The following DENND1B variants were observed in gnomAD, a reference collection of about 807,000 sequenced individuals.
DENND1B encodes DENN domain containing 1B.
A neutral mutation model predicts 90.1 loss-of-function variants in DENND1B; 59 were observed. That is an observed-to-expected ratio of 0.65 (90% confidence interval 0.53 to 0.81). The LOEUF is 0.81. Ranked by LOEUF, DENND1B falls within the 40% of genes least tolerant of loss-of-function variation. The pLI is 0.00. For missense variants in DENND1B, 862 were observed against 912.6 expected (o/e 0.94, Z 0.71); for synonymous variants, 337 against 324.6 (o/e 1.04, Z -0.41).
chr1:197,538,106 G>A (rs933632414), intron 20 of DENND1B, among the ~76,000 whole-genome samples: 1 of 152,020 alleles, frequency 6.6e-6, no homozygotes, highest in African/African-American at 2.4e-5. Flanking sequence ...TAGGAAATGT[G>A]TTTCTCCAAT....
chr1:197,542,990 A>G (rs886333334), intron 18 of DENND1B, among the ~76,000 whole-genome samples: 1 of 151,764 alleles, frequency 6.6e-6, no homozygotes, highest in Non-Finnish European at 1.5e-5. Context: ...GCTGGAGTGC[A>G]GTGGCACAAT....
intron 7 of DENND1B, among the ~76,000 whole-genome samples, chr1:197,648,452 A>G (rs1393704002): frequency 2.0e-5 from 3 of 152,136 alleles, no homozygotes; most frequent in Non-Finnish European, 2.9e-5. Context: ...TTTGAGATGT[A>G]CTTTTGTATT....
At chr1:197,737,794 A>C (rs1177571848) in intron 2 of DENND1B, among the ~76,000 whole-genome samples, 1 of 119,352 alleles carries the variant, frequency 8.4e-6, no homozygotes, top group Non-Finnish European at 1.9e-5. Flanking sequence ...GCTTCAAAAA[A>C]AGAAAAACAA....
chr1:197,550,580 C>T (rs1230311433), intron 16 of DENND1B, among the ~76,000 whole-genome samples: 2 of 151,186 alleles, frequency 1.3e-5, no homozygotes, highest in Non-Finnish European at 2.9e-5. Flanking sequence ...CCAAACACCA[C>T]ATGTTCTCAC....
intron 10 of DENND1B, among the ~76,000 whole-genome samples, chr1:197,628,286 C>G (rs1368703513): frequency 6.6e-6 from 1 of 152,102 alleles, no homozygotes; most frequent in Non-Finnish European, 1.5e-5. Context: ...TACTACAAGG[C>G]TATAGTAACC....
intron 3 of DENND1B, among the ~76,000 whole-genome samples, chr1:197,692,756 T>C (rs1183224116): frequency 6.6e-6 from 1 of 151,808 alleles, no homozygotes; most frequent in Non-Finnish European, 1.5e-5. Context: ...TCATAGGGTA[T>C]GATTATCAAA....
At chr1:197,704,575 T>C (rs1258544312) in intron 3 of DENND1B, among the ~76,000 whole-genome samples, 1 of 152,086 alleles carries the variant, frequency 6.6e-6, no homozygotes, top group Non-Finnish European at 1.5e-5. Flanking sequence ...AAAAAATATA[T>C]AATCAAAGCT....
chr1:197,640,896 C>T (rs1680215264), intron 10 of DENND1B, among the ~76,000 whole-genome samples: 1 of 151,824 alleles, frequency 6.6e-6, no homozygotes, highest in Non-Finnish European at 1.5e-5. Flanking sequence ...CCATTGAGCC[C>T]AGGAGTTTGA....
intron 3 of DENND1B, among the ~76,000 whole-genome samples, chr1:197,680,544 G>A (rs762932372): frequency 6.6e-6 from 1 of 152,080 alleles, no homozygotes; most frequent in Non-Finnish European, 1.5e-5. Flanking sequence ...ATGTGCTATC[G>A]AGAGTAAAGG....
rs80042147 is a variant in DENND1B, at chr1:197,694,317, G to C, written c.127-20148C>G. ...AACATATTTTATGAGTTAATAATGA[G>C]TTTATGCCAATTTTGCAAGACTTTA... On this transcript the variant is annotated intron_variant, in intron 3 of 22. Coordinates refer to ENST00000620048, the MANE Select transcript of DENND1B (RefSeq NM_001195215.2). 5.8e-3 allele frequency among the ~76,000 whole-genome samples: 879 copies of C among 151,388 alleles called. 9 individuals are homozygous for C. The highest frequency in any genetic ancestry group is 0.02 in the African/African-American group (813 of 41,458).
At chr1:197,583,319 A>C in intron 14 of DENND1B, 66 bp from the exon 15 acceptor site, 4 of 1,438,984 alleles carry the variant, frequency 2.8e-6, no homozygotes, top group Middle Eastern at 1.8e-4. Context: ...AGTCTCTTTA[A>C]ATAGGTATGT....
intron 2 of DENND1B, among the ~76,000 whole-genome samples, chr1:197,771,869 G>A (rs1656661387): frequency 6.6e-6 from 1 of 152,028 alleles, no homozygotes; most frequent in Non-Finnish European, 1.5e-5. Flanking sequence ...AAGAAAATAG[G>A]CAAGAAAAGA....
intron 3 of DENND1B, among the ~76,000 whole-genome samples, chr1:197,676,273 G>A (rs36077246): frequency 0.012 from 1,781 of 152,164 alleles, 17 homozygotes; most frequent in Non-Finnish European, 0.02. Context: ...AGAAAAGAGA[G>A]AGACTTGGAA....
intron 5 of DENND1B, among the ~76,000 whole-genome samples, chr1:197,662,187 C>A (rs1228858912): frequency 6.6e-6 from 1 of 151,834 alleles, no homozygotes; most frequent in Admixed American, 6.6e-5. Context: ...TCTCTAAGGC[C>A]CCAAAATACT....
intron 3 of DENND1B, among the ~76,000 whole-genome samples, chr1:197,678,767 ATGAG>A (rs1300554481): frequency 6.6e-6 from 1 of 152,140 alleles, no homozygotes; most frequent in Non-Finnish European, 1.5e-5. Flanking sequence ...GCTCCCACTT[ATGAG>A]TGAGAATATG....
In DENND1B at chr1:197,511,903, T is replaced by C. The variant is rs527950252; in HGVS notation, c.1640A>G (p.Tyr547Cys). ...EDGEEASAYL[Y>C]ESDDSVETRV... is the part of the protein sequence containing the mutation. ...TGTTTCAACAGAGTCATCACTCTCA[T>C]AGAGATAAGCAGAAGCTTCTTCACC... Residue 547 changes from tyrosine (Y) to cysteine (C), a missense_variant, in exon 22 of 23, where the codon TAT becomes TGT. By Grantham distance (194) the Tyr-to-Cys change is radical. Coordinates refer to ENST00000620048, the MANE Select transcript of DENND1B (RefSeq NM_001195215.2). The C allele has an allele frequency of 1.2e-4, 196 of 1,609,414 alleles. 1 individual carries two copies. The South Asian group carries it at 1.8e-3, about 15-fold the overall frequency.
chr1:197,635,974 T>C (rs1679751541), intron 10 of DENND1B, among the ~76,000 whole-genome samples: 1 of 138,128 alleles, frequency 7.2e-6, no homozygotes, highest in African/African-American at 2.7e-5. Context: ...TGAACAAGAT[T>C]AAAAAAAAAA....
Position 197,528,824 on chromosome 1 carries a change from C to G in DENND1B, c.1515+11140G>C, listed in dbSNP as rs574262149. 8.7e-5 allele frequency among the ~76,000 whole-genome samples: 13 copies of G among 148,882 alleles called. No homozygotes were observed. The South Asian group carries it at 2.8e-3, about 32-fold the overall frequency. Reference sequence around the variant, plus strand: ...GCAGTGAGCCGAGATCCCGCCACTGCACTCCAGCCTGGGTGACAGAGCGAG... The same window carrying G: ...GCAGTGAGCCGAGATCCCGCCACTGGACTCCAGCCTGGGTGACAGAGCGAG... On this transcript the variant is annotated intron_variant, in intron 20 of 22. Coordinates refer to ENST00000620048, the MANE Select transcript of DENND1B (RefSeq NM_001195215.2).
chr1:197,703,976 C>T (rs1024008450), intron 3 of DENND1B, among the ~76,000 whole-genome samples: 1 of 152,142 alleles, frequency 6.6e-6, no homozygotes, highest in Non-Finnish European at 1.5e-5. Context: ...TTTGGTCAGA[C>T]TCATGCCTGT....
Sources: allele counts gnomAD v4.1 joint callset (sites outside exome capture counted in the v4.1 genomes callset), GRCh38; gene constraint gnomAD v4.1.1; transcripts MANE v1.5; gene names NCBI Gene and HGNC (gene_info 2026-07-23, HGNC 2026-07-21).